The following FBXW7 variants were observed in gnomAD, a reference collection of about 807,000 sequenced individuals.
The protein encoded by FBXW7 is F-box and WD repeat domain containing 7, also known as F-box/WD repeat-containing protein 7.
In FBXW7, 11 loss-of-function variants were observed where a neutral mutation model predicts 86.3. The ratio of observed to expected loss-of-function variants is 0.13; its 90% CI spans 0.08 to 0.21. FBXW7 has a LOEUF of 0.21. Among genes scored for constraint, FBXW7 ranks in the 10% least tolerant of loss-of-function variants. FBXW7 has a pLI of 1.00. For synonymous variants in FBXW7, 313 were observed against 297.9 expected, an observed-to-expected ratio of 1.05 and a Z score of -0.52; for missense variants, 488 against 847.4, an observed-to-expected ratio of 0.58 and a Z score of 5.27.
chr4:152,373,797 A>G (rs1734223448), intron 4 of FBXW7, among the ~76,000 whole-genome samples: 1 of 151,992 alleles, frequency 6.6e-6, no homozygotes, highest in African/African-American at 2.4e-5. Flanking sequence ...TAGTTTTATC[A>G]CTGTGACTTT....
intron 4 of FBXW7, among the ~76,000 whole-genome samples, chr4:152,354,516 C>T (rs1035773328): frequency 5.3e-5 from 8 of 152,034 alleles, no homozygotes; most frequent in African/African-American, 1.2e-4. Flanking sequence ...CCATAAGACA[C>T]GTGTAATACT....
chr4:152,477,143 C>T (rs1439030259), intron 2 of FBXW7, among the ~76,000 whole-genome samples: 2 of 152,002 alleles, frequency 1.3e-5, no homozygotes, highest in African/African-American at 2.4e-5. Flanking sequence ...TCAGGAGTCT[C>T]ATATCTTTAA....
intron 2 of FBXW7, among the ~76,000 whole-genome samples, chr4:152,468,364 A>C (rs1442889870): frequency 6.6e-6 from 1 of 152,196 alleles, no homozygotes; most frequent in African/African-American, 2.4e-5. Flanking sequence ...AAAGAAGTGG[A>C]TACAACTCAT....
chr4:152,392,022 T>A (rs185596954), intron 4 of FBXW7, among the ~76,000 whole-genome samples: 1 of 152,320 alleles, frequency 6.6e-6, no homozygotes, highest in African/African-American at 2.4e-5. Context: ...GACATTTACA[T>A]ATTAAATATG....
At chr4:152,347,662 C>A (rs2126639780) in intron 5 of FBXW7, among the ~76,000 whole-genome samples, 1 of 152,162 alleles carries the variant, frequency 6.6e-6, no homozygotes, top group South Asian at 2.1e-4. Context: ...ATTAGAAATA[C>A]ATTTATTCAA....
chr4:152,422,933 T>C (rs1191194849), intron 2 of FBXW7, among the ~76,000 whole-genome samples: 2 of 152,232 alleles, frequency 1.3e-5, no homozygotes, highest in Middle Eastern at 3.2e-3. Flanking sequence ...TTTTCCATTC[T>C]TTTCTTTTTC....
chr4:152,332,699 T>C lies in FBXW7; in HGVS notation c.882A>G (p.Ser294=). ...GTAGCAGGTCTTTGGGTTCCAGGAA[T>C]GAAAGCACATAGAGTGCCAACTAAG... is the stretch of plus-strand genomic sequence containing the variant. The part of the protein sequence containing the change: ...LPKELALYVL[S]FLEPKDLLQA... The change falls in exon 8 of 14, where the codon TCA becomes TCG. Residue 294 remains serine (S), a synonymous_variant. Coordinates refer to ENST00000281708, the MANE Select transcript of FBXW7 (RefSeq NM_001349798.2). 6.3e-7 allele frequency: 1 copy of C among 1,594,782 alleles called. No individual in the cohort carries two copies. The highest frequency in any genetic ancestry group is 1.3e-5 in the African/African-American group (1 of 74,518).
intron 2 of FBXW7, among the ~76,000 whole-genome samples, chr4:152,512,618 C>T (rs1579397934): frequency 6.6e-6 from 1 of 152,178 alleles, no homozygotes; most frequent in African/African-American, 2.4e-5. Context: ...CATCGTGTTA[C>T]GTGAAAGAAG....
At chr4:152,464,499 A>G (rs546072018) in intron 2 of FBXW7, among the ~76,000 whole-genome samples, 144 of 152,346 alleles carry the variant, frequency 9.5e-4, no homozygotes, top group African/African-American at 3.3e-3. Context: ...ATGGTTCCAA[A>G]TAACTAACAT....
At chr4:152,406,656 A>T (rs1737444822) in intron 4 of FBXW7, among the ~76,000 whole-genome samples, 1 of 152,236 alleles carries the variant, frequency 6.6e-6, no homozygotes, top group African/African-American at 2.4e-5. Flanking sequence ...AGTCTAGAGA[A>T]ATTGACTTAA....
chr4:152,515,947 C>A (rs1748449703), intron 2 of FBXW7, among the ~76,000 whole-genome samples: 1 of 152,124 alleles, frequency 6.6e-6, no homozygotes, highest in African/African-American at 2.4e-5. Context: ...GGGGGTGGGC[C>A]TCTAAGGAGC....
chr4:152,380,814 T>C (rs1205982022), intron 4 of FBXW7, among the ~76,000 whole-genome samples: 1 of 152,042 alleles, frequency 6.6e-6, no homozygotes, highest in Non-Finnish European at 1.5e-5. Flanking sequence ...TACACTTCTT[T>C]TTCTCAATTT....
Position 152,427,718 on chromosome 4 carries a change from T to G in FBXW7, c.-119-15189A>C, listed in dbSNP as rs558782613. 7.2e-5 allele frequency among the ~76,000 whole-genome samples: 11 copies of G among 152,342 alleles called. No individual in the cohort carries two copies. In the South Asian group the frequency reaches 2.3e-3, roughly 32 times the overall value. On this transcript the variant is annotated intron_variant, in intron 2 of 13. Coordinates refer to ENST00000281708, the MANE Select transcript of FBXW7 (RefSeq NM_001349798.2). ...AAAAATTATGAAGGACTCCCAAAAG[T>G]GTTTTGTTATGTGAGTTCTATCTGT...
Position 152,324,117 on chromosome 4 carries a change from G to A in FBXW7, c.1855+67C>T, listed in dbSNP as rs35260882. The A allele has an allele frequency of 0.054, 67,332 of 1,243,668 alleles. 2,177 individuals are homozygous for A. Among genetic ancestry groups the A allele is most frequent in the Non-Finnish European group, 0.066 (56,389 of 860,530 alleles). 77.0% of individuals were successfully genotyped at this position (1,243,668 alleles called of 1,614,324 possible). A position where few individuals can be genotyped will look rare whatever the true frequency, so the allele number is the denominator to read the frequency against. ...GGTTGACTCTTTTTGTGATGCTAAG[G>A]CTCCATATTTCTCTTGAATAATGAT... is the stretch of plus-strand genomic sequence containing the variant. On this transcript the variant is annotated intron_variant, in intron 13 of 13. Transcript: ENST00000281708.
At chr4:152,417,923 G>A (rs912393149) in intron 2 of FBXW7, among the ~76,000 whole-genome samples, 3 of 152,084 alleles carry the variant, frequency 2.0e-5, no homozygotes, top group Non-Finnish European at 4.4e-5. Context: ...AGGGTAGTAG[G>A]GTGGGGTGGG....
intron 4 of FBXW7, among the ~76,000 whole-genome samples, chr4:152,355,335 A>T (rs1732262269): frequency 1.3e-5 from 2 of 152,050 alleles, no homozygotes; most frequent in African/African-American, 4.8e-5. Context: ...CTGTGACAAG[A>T]AACATTTTAA....
At chr4:152,398,337 A>C (rs1302820868) in intron 4 of FBXW7, among the ~76,000 whole-genome samples, 1 of 151,948 alleles carries the variant, frequency 6.6e-6, no homozygotes, top group African/African-American at 2.4e-5. Flanking sequence ...TCACAGTAAA[A>C]AAAAAAATAA....
chr4:152,424,155 C>G (rs1739175008), intron 2 of FBXW7, among the ~76,000 whole-genome samples: 1 of 152,084 alleles, frequency 6.6e-6, no homozygotes, highest in African/African-American at 2.4e-5. Context: ...GTGAAAGCCA[C>G]CGTACCTGGC....
intron 4 of FBXW7, among the ~76,000 whole-genome samples, chr4:152,410,265 A>G (rs150107286): frequency 6.6e-6 from 1 of 152,220 alleles, no homozygotes; most frequent in African/African-American, 2.4e-5. Context: ...TGATATAGCA[A>G]CCTTGAAGAA....
Sources: allele counts gnomAD v4.1 joint callset (sites outside exome capture counted in the v4.1 genomes callset), GRCh38; gene constraint gnomAD v4.1.1; transcripts MANE v1.5; gene names NCBI Gene and HGNC (gene_info 2026-07-23, HGNC 2026-07-21).